Variants in ERAP1 observed in about 807,000 individuals in gnomAD.
ERAP1 encodes adipocyte-derived leucine aminopeptidase.
A neutral mutation model predicts 103.7 loss-of-function variants in ERAP1; 86 were observed. That is an observed-to-expected ratio of 0.83 (90% CI 0.70 to 0.99). ERAP1 has a LOEUF of 0.99. Among genes scored for constraint, ERAP1 ranks in the 50% least tolerant of loss-of-function variants. ERAP1 has a pLI of 0.00. For missense variants in ERAP1, 1,009 were observed against 1,128.4 expected (o/e 0.89, Z 1.52); for synonymous variants, 398 against 402.4 (o/e 0.99, Z 0.13).
At position 96,776,095 on chromosome 5, in the gene ERAP1, C is replaced by T. The variant is rs1371784901; in HGVS notation, c.*301G>A. 1 of 1,313,840 alleles carries T rather than the reference C, an allele frequency of 7.6e-7. No homozygotes were observed. Among genetic ancestry groups the T allele is most frequent in the South Asian group, 1.3e-5 (1 of 74,388 alleles). The allele number at this position is 1,313,840 out of a possible 1,614,324, so 81.4% of individuals were successfully genotyped here. A position where few individuals can be genotyped will look rare whatever the true frequency, so the allele number is the denominator to read the frequency against. On this transcript the variant is annotated 3_prime_UTR_variant, in exon 19 of 19. Transcript: ENST00000443439. ...TAAACATGGGGTACAGGGTTTTGGA[C>T]ACGGGTGCTTAAGCATAAACTATAA...
intron 19 of ERAP1, among the ~76,000 whole-genome samples, chr5:96,763,931 C>A (rs2150702963): frequency 6.6e-6 from 1 of 150,986 alleles, no homozygotes; most frequent in East Asian, 1.9e-4. Flanking sequence ...TGTTTTCAAG[C>A]AACTGACTTA....
the ERAP1 span, chr5:96,900,245 A>G: frequency 6.2e-7 from 1 of 1,609,034 alleles, no homozygotes; most frequent in Non-Finnish European, 8.5e-7. Flanking sequence ...CCTGACCTAG[A>G]GTGAGTATGA....
At chr5:96,862,948 C>T in the ERAP1 span, among the ~76,000 whole-genome samples, 1 of 152,172 alleles carries the variant, frequency 6.6e-6, no homozygotes, top group African/African-American at 2.4e-5. Flanking sequence ...AGAGCTACCT[C>T]GTTTACCCTC....
intron 7 of ERAP1, 147 bp from the exon 8 acceptor site, chr5:96,792,339 A>G: frequency 1.5e-6 from 1 of 686,118 alleles, no homozygotes; most frequent in Non-Finnish European, 2.5e-6. Flanking sequence ...TTATGAAACA[A>G]AATAGAATTA....
downstream of ERAP1, chr5:96,772,460 C>G (rs979309031): frequency 1.1e-4 from 17 of 152,472 alleles, no homozygotes; most frequent in African/African-American, 4.1e-4. Flanking sequence ...TTAGGTAGAA[C>G]TGCTCTAACA....
chr5:96,897,445 C>A, the ERAP1 span, among the ~76,000 whole-genome samples: 2 of 152,226 alleles, frequency 1.3e-5, no homozygotes, highest in Non-Finnish European at 2.9e-5. Context: ...AAATTCTTAG[C>A]AGTGCACTTA....
chr5:96,817,423 G>C, the ERAP1 span, among the ~76,000 whole-genome samples: 3 of 152,146 alleles, frequency 2.0e-5, no homozygotes, highest in Non-Finnish European at 4.4e-5. Context: ...TTGTATCCAT[G>C]CAATTATAAA....
At chr5:96,914,153 C>CACACACACACACACAA in the ERAP1 span, among the ~76,000 whole-genome samples, 1 of 151,072 alleles carries the variant, frequency 6.6e-6, no homozygotes, top group East Asian at 1.9e-4. Flanking sequence ...CTCTCTCACA[C>CACACACACACACACAA]ACACACACAC....
the ERAP1 span, chr5:96,889,303 T>A: frequency 6.2e-7 from 1 of 1,614,104 alleles, no homozygotes; most frequent in Admixed American, 1.7e-5. Flanking sequence ...CTCTCCAAAC[T>A]GGGTATGTTC....
At chr5:96,773,365 T>A (rs970506462), downstream of ERAP1, 3 of 153,312 alleles carry the variant, frequency 2.0e-5, no homozygotes, top group Non-Finnish European at 4.4e-5. Flanking sequence ...AGTCCTTGTG[T>A]AGCAAATTTC....
chr5:96,772,938 A>G (rs565308022), downstream of ERAP1: 4 of 153,914 alleles, frequency 2.6e-5, no homozygotes, highest in South Asian at 8.3e-4. Flanking sequence ...AAAAAACAAA[A>G]GAAAAGCTAA....
At chr5:96,823,228 A>G in the ERAP1 span, 2 of 419,528 alleles carry the variant, frequency 4.8e-6, no homozygotes, top group Non-Finnish European at 9.7e-6. Context: ...GTCATATTCC[A>G]TTTGGAGGAA....
Position 96,800,861 on chromosome 5 carries a change from C to T in ERAP1, c.663+1G>A, listed in dbSNP as rs372238651. On this transcript the variant is annotated splice_donor_variant, in intron 3 of 18. Coordinates refer to ENST00000443439, the MANE Select transcript of ERAP1 (RefSeq NM_001040458.3). LOFTEE classifies it high-confidence loss of function. ...GAAAATACACAGGAGTGCAGACTCACCAATGGCATATTGGAGATGGCTAGG... is the reference window on the plus strand; with the variant it reads ...GAAAATACACAGGAGTGCAGACTCATCAATGGCATATTGGAGATGGCTAGG... The T allele has an allele frequency of 2.0e-5, 32 of 1,614,128 alleles. No homozygotes were observed. The African/African-American group carries it at 3.5e-4, about 17-fold the overall frequency.
chr5:96,932,112 A>T, the ERAP1 span, among the ~76,000 whole-genome samples: 1 of 152,176 alleles, frequency 6.6e-6, no homozygotes, highest in South Asian at 2.1e-4. Flanking sequence ...TGTGCTCTAA[A>T]CATTTCTTGA....
the ERAP1 span, chr5:96,902,873 A>G: frequency 6.4e-6 from 1 of 155,078 alleles, no homozygotes; most frequent in Non-Finnish European, 1.4e-5. Context: ...AATATATGCC[A>G]CATTAAAAAT....
chr5:96,907,338 T>C, the ERAP1 span, among the ~76,000 whole-genome samples: 1 of 152,138 alleles, frequency 6.6e-6, no homozygotes, highest in Non-Finnish European at 1.5e-5. Context: ...TTAAAAGAAA[T>C]AGGCAACTAT....
upstream of ERAP1, among the ~76,000 whole-genome samples, chr5:96,808,398 C>G (rs968751350): frequency 6.6e-6 from 1 of 151,674 alleles, no homozygotes; most frequent in Non-Finnish European, 1.5e-5. Context: ...CAAGCCTAGA[C>G]GCGTTCGACG....
At chr5:96,764,638 T>C (rs1769184005) in intron 19 of ERAP1, among the ~76,000 whole-genome samples, 1 of 152,136 alleles carries the variant, frequency 6.6e-6, no homozygotes, top group African/African-American at 2.4e-5. Context: ...AGGATGGCAG[T>C]GCCGAGCTCC....
At chr5:96,846,793 T>TAA in the ERAP1 span, among the ~76,000 whole-genome samples, 7,223 of 151,016 alleles carry the variant, frequency 0.048, 208 homozygotes, top group South Asian at 0.1. Context: ...GAAGCCATGG[T>TAA]AAAAAAAATG....
Sources: allele counts gnomAD v4.1 joint callset (sites outside exome capture counted in the v4.1 genomes callset), GRCh38; gene constraint gnomAD v4.1.1; transcripts MANE v1.5; gene names NCBI Gene and HGNC (gene_info 2026-07-23, HGNC 2026-07-21).